The following SPATA22 variants were observed in gnomAD, a reference collection of about 807,000 sequenced individuals.
The protein encoded by SPATA22 is spermatogenesis associated 22, also known as spermatogenesis-associated protein 22.
In SPATA22, 29 loss-of-function variants were observed where a neutral mutation model predicts 47.8. The ratio of observed to expected loss-of-function variants is 0.61; its 90% CI spans 0.45 to 0.83. The LOEUF (loss-of-function observed/expected upper bound fraction) is 0.83. SPATA22 is among the 40% of genes least tolerant of loss of function. The probability of loss-of-function intolerance (pLI) is 0.00; values close to 1 mark genes in which losing one functional copy is unlikely to be tolerated. For missense variants in SPATA22, 410 were observed against 421.7 expected, an observed-to-expected ratio of 0.97 and a Z score of 0.24; for synonymous variants, 133 against 140.9, an observed-to-expected ratio of 0.94 and a Z score of 0.40.
intron 5 of SPATA22, among the ~76,000 whole-genome samples, chr17:3,457,441 A>G (rs956450161): frequency 6.6e-6 from 1 of 152,222 alleles, no homozygotes; most frequent in African/African-American, 2.4e-5. Flanking sequence ...AATCCCTATC[A>G]AAATTTCAAT....
Position 3,499,087 on chromosome 17 carries a change from A to G in SPATA22, c.-74+14325T>C, listed in dbSNP as rs745832703. ...AAAAGTATTCGCTGCTGTTTACATT[A>G]GAAATCACTTCCAGCTTACATCTTA... On this transcript the variant is annotated intron_variant, in intron 1 of 8. Coordinates refer to the SPATA22 transcript ENST00000541913. 3 of 1,613,470 alleles carry G rather than the reference A, an allele frequency of 1.9e-6. No homozygotes were observed. In the Admixed American group the frequency reaches 5.0e-5, roughly 27 times the overall value.
intron 2 of SPATA22, chr17:3,468,999 T>C (rs918475084): frequency 9.8e-6 from 3 of 305,356 alleles, no homozygotes; most frequent in African/African-American, 4.3e-5. Flanking sequence ...CAAACAAAAA[T>C]AGATCTATTT....
At chr17:3,495,944 G>C (rs2073901748) in intron 1 of SPATA22, among the ~76,000 whole-genome samples, 1 of 152,170 alleles carries the variant, frequency 6.6e-6, no homozygotes, top group Admixed American at 6.5e-5. Context: ...AAAATATCAA[G>C]TACAAGAAAC....
intron 8 of SPATA22, among the ~76,000 whole-genome samples, chr17:3,442,160 T>C (rs1461927016): frequency 6.6e-6 from 1 of 152,008 alleles, no homozygotes; most frequent in African/African-American, 2.4e-5. Flanking sequence ...ACAAAGTTTT[T>C]TTAAAAAACT....
intron 8 of SPATA22, chr17:3,441,618 T>G (rs2072599382): frequency 6.6e-6 from 1 of 152,068 alleles, no homozygotes; most frequent in African/African-American, 2.4e-5. Context: ...TATTTGAATA[T>G]ACACATGCTC....
rs2073705320 is a variant in SPATA22 at position 3,485,652 on chromosome 17, C to G, written c.-73-16254G>C. 6.6e-6 allele frequency among the ~76,000 whole-genome samples: 1 copy of G among 152,176 alleles called. No individual in the cohort carries two copies. The highest frequency in any genetic ancestry group is 2.1e-4 in the South Asian group (1 of 4,824). ...TCCAAAGTGCTTGTGCTACCAGTGA[C>G]CTACTCCAGGTTGTTTTCTGACCCT... On this transcript the variant is annotated intron_variant, in intron 1 of 8. Coordinates refer to the SPATA22 transcript ENST00000541913. This position sits in a 1 kb window ranked among gnomAD's most constrained non-coding sequence, Gnocchi z 4.4.
chr17:3,454,486 TC>T (rs35283496), intron 5 of SPATA22, among the ~76,000 whole-genome samples: 4 of 151,848 alleles, frequency 2.6e-5, no homozygotes, highest in Non-Finnish European at 5.9e-5. Flanking sequence ...AGTGTGATGT[TC>T]CCCTTCCTGT....
intron 3 of SPATA22, among the ~76,000 whole-genome samples, chr17:3,464,034 G>A (rs1228870859): frequency 1.3e-5 from 2 of 148,200 alleles, no homozygotes; most frequent in Admixed American, 6.8e-5. Context: ...ATGCCAAGCC[G>A]AAGCTGGACT....
chr17:3,450,474 T>C (rs750820161), intron 5 of SPATA22, among the ~76,000 whole-genome samples: 1 of 152,218 alleles, frequency 6.6e-6, no homozygotes, highest in Non-Finnish European at 1.5e-5. Context: ...TACTCCTTTA[T>C]AGAAATTTTT....
intron 3 of SPATA22, among the ~76,000 whole-genome samples, chr17:3,464,471 T>A (rs2073224027): frequency 7.9e-6 from 1 of 126,784 alleles, no homozygotes; most frequent in African/African-American, 2.9e-5. Context: ...CCCCTCTGCC[T>A]GGCTGCCCAG....
intron 5 of SPATA22, among the ~76,000 whole-genome samples, chr17:3,452,842 C>T (rs2856272): frequency 1 from 152,260 of 152,266 alleles, 76,127 homozygotes; most frequent in Non-Finnish European, 1. Context: ...CAAGAAGAGG[C>T]AGAAAGCCTA....
chr17:3,506,501 T>C (rs2074041613), intron 1 of SPATA22, among the ~76,000 whole-genome samples: 1 of 152,210 alleles, frequency 6.6e-6, no homozygotes, highest in East Asian at 1.9e-4. Flanking sequence ...CCCCATTAGC[T>C]ACAGATAGAC....
intron 3 of SPATA22, among the ~76,000 whole-genome samples, chr17:3,466,433 C>A (rs896393999): frequency 2.0e-5 from 3 of 152,096 alleles, no homozygotes; most frequent in Non-Finnish European, 4.4e-5. Context: ...CTAACCCAAA[C>A]CTAAGCCAGG....
rs57432043 is a variant in SPATA22, at chr17:3,470,093, C to CAAA, written c.-73-698_-73-696dup. ...GGGCAACAAGACCCAGACTCCATCT[C>CAAA]AAAAAAAAAAAAAAAAAAAAAAGAC... On this transcript the variant is annotated intron_variant, in intron 1 of 8. Coordinates refer to ENST00000572969, the MANE Select transcript of SPATA22 (RefSeq NM_001170698.2). Among the ~76,000 whole-genome samples, 223 of 54,134 alleles carry CAAA rather than the reference C, an allele frequency of 4.1e-3. 16 individuals carry two copies. Among genetic ancestry groups the CAAA allele is most frequent in the Middle Eastern group, 0.014 (1 of 74 alleles). The allele number at this position is 54,134 out of a possible 152,430, so 35.5% of individuals were successfully genotyped here. A position where few individuals can be genotyped will look rare whatever the true frequency, so the allele number is the denominator to read the frequency against.
chr17:3,459,920 T>A (rs547573446), intron 5 of SPATA22, among the ~76,000 whole-genome samples: 1 of 152,216 alleles, frequency 6.6e-6, no homozygotes, highest in Non-Finnish European at 1.5e-5. Context: ...TGCCACCTCC[T>A]TTTATGAATT....
At chr17:3,484,015 T>C (rs1176606101) in intron 1 of SPATA22, among the ~76,000 whole-genome samples, 1 of 152,222 alleles carries the variant, frequency 6.6e-6, no homozygotes, top group Non-Finnish European at 1.5e-5. Context: ...GGCTTATAAT[T>C]GTCAAGTAAC....
chr17:3,451,950 T>TAA (rs1322872514), intron 5 of SPATA22, among the ~76,000 whole-genome samples: 1 of 126,624 alleles, frequency 7.9e-6, no homozygotes, highest in African/African-American at 2.9e-5. Flanking sequence ...CTGTCTCAAT[T>TAA]AAAAAAAAAA....
chr17:3,476,692 C>A (rs180671169), upstream of SPATA22, among the ~76,000 whole-genome samples: 2 of 152,110 alleles, frequency 1.3e-5, no homozygotes, highest in African/African-American at 4.8e-5. Flanking sequence ...TAAAATCATA[C>A]CTTTAAAGAA....
intron 1 of SPATA22, among the ~76,000 whole-genome samples, chr17:3,496,869 A>G (rs943781789): frequency 1.3e-5 from 2 of 152,160 alleles, no homozygotes; most frequent in African/African-American, 4.8e-5. Context: ...GATCGAGACC[A>G]TCCTGGCTAA....
Sources: allele counts gnomAD v4.1 joint callset (sites outside exome capture counted in the v4.1 genomes callset), GRCh38; gene constraint gnomAD v4.1.1; non-coding constraint Gnocchi (gnomAD v3.1); transcripts MANE v1.5; gene names NCBI Gene and HGNC (gene_info 2026-07-23, HGNC 2026-07-21).